The following KMT2C variants were observed in gnomAD, a reference collection of about 807,000 sequenced individuals.
The protein encoded by KMT2C is histone-lysine N-methyltransferase 2C.
KMT2C carries 88 observed loss-of-function variants against 507.9 expected under a neutral mutation model. That is an observed-to-expected ratio of 0.17 (90% confidence interval 0.15 to 0.21). KMT2C has a LOEUF of 0.21. KMT2C is among the 10% of genes least tolerant of loss of function. KMT2C has a pLI of 1.00. For synonymous variants in KMT2C, 2,049 were observed against 2,080.8 expected, an observed-to-expected ratio of 0.98 and a Z score of 0.42; for missense variants, 4,954 against 5,957.8, an observed-to-expected ratio of 0.83 and a Z score of 5.55.
intron 9 of KMT2C, 144 bp from the exon 10 acceptor site, chr7:152,252,859 CT>C (rs66963045): frequency 0.097 from 46,048 of 475,532 alleles, 486 homozygotes; most frequent in South Asian, 0.17. Flanking sequence ...AGGGTACATG[CT>C]TTTTTTTTTT....
At chr7:152,309,507 C>CTTTTTTTTTT (rs60166582) in intron 6 of KMT2C, among the ~76,000 whole-genome samples, 3 of 87,970 alleles carry the variant, frequency 3.4e-5, no homozygotes, top group Non-Finnish European at 6.4e-5. Flanking sequence ...CATAAAATAA[C>CTTTTTTTTTT]TTTTTTTTTT....
Position 152,145,243 on chromosome 7 carries a change from GGATTTCGGCCGTA to G in KMT2C, c.14071_14083del (p.Tyr4691LeufsTer21). 6.2e-7 allele frequency: 1 copy of G among 1,614,112 alleles called. No homozygotes were observed. The highest frequency in any genetic ancestry group is 8.5e-7 in the Non-Finnish European group (1 of 1,180,006). On this transcript the variant is annotated frameshift_variant, in exon 54 of 59. Coordinates refer to ENST00000262189, the MANE Select transcript of KMT2C (RefSeq NM_170606.3). LOFTEE classifies it high-confidence loss of function. Reference sequence around the variant, plus strand: ...AACGGCAAGAGGAAGTTCCATGAGAGGATTTCGGCCGTATCGGAAGGTATAATTTTCACATGCC... The same window carrying G: ...AACGGCAAGAGGAAGTTCCATGAGAGTCGGAAGGTATAATTTTCACATGCC...
At chr7:152,227,634 G>A (rs1206909453) in intron 18 of KMT2C, among the ~76,000 whole-genome samples, 4 of 152,190 alleles carry the variant, frequency 2.6e-5, no homozygotes, top group Non-Finnish European at 4.4e-5. Flanking sequence ...CAATGGCCTC[G>A]CTGAGGTTAG....
At chr7:152,326,027 T>G (rs1394440724) in intron 3 of KMT2C, among the ~76,000 whole-genome samples, 1 of 152,260 alleles carries the variant, frequency 6.6e-6, no homozygotes, top group East Asian at 1.9e-4. Context: ...ATATTAATCA[T>G]GTATCTGTAT....
At chr7:152,142,926 G>A (rs1050228732) in intron 55 of KMT2C, among the ~76,000 whole-genome samples, 6 of 152,254 alleles carry the variant, frequency 3.9e-5, no homozygotes, top group East Asian at 3.9e-4. Context: ...GATCATCCAC[G>A]GGATCCCCAG....
At position 152,144,616 on chromosome 7, in the gene KMT2C, C is replaced by T; in HGVS notation, c.14343+97G>A. ...TGAAAACACGTTTCTGTCCCTGCAGCTATGTGAAATCATTTTCACATACTG... is the reference window on the plus strand; with the variant it reads ...TGAAAACACGTTTCTGTCCCTGCAGTTATGTGAAATCATTTTCACATACTG... On this transcript the variant is annotated intron_variant, in intron 55 of 58. Coordinates refer to ENST00000262189, the MANE Select transcript of KMT2C (RefSeq NM_170606.3). The surrounding 1 kb of genome is among the most constrained non-coding windows in gnomAD (Gnocchi z 4.4). 8.5e-7 allele frequency: 1 copy of T among 1,177,708 alleles called. No individual in the cohort carries two copies. Among genetic ancestry groups the T allele is most frequent in the Middle Eastern group, 2.0e-4 (1 of 5,008 alleles). 73.0% of individuals were successfully genotyped at this position (1,177,708 alleles called of 1,614,324 possible). A position where few individuals can be genotyped will look rare whatever the true frequency, so the allele number is the denominator to read the frequency against.
chr7:152,257,284 T>C (rs180863448), intron 9 of KMT2C, among the ~76,000 whole-genome samples: 1 of 152,242 alleles, frequency 6.6e-6, no homozygotes, highest in Non-Finnish European at 1.5e-5. Context: ...ACATGCTACC[T>C]TCACTGAAAA....
intron 1 of KMT2C, among the ~76,000 whole-genome samples, chr7:152,400,633 G>A (rs947685465): frequency 6.6e-6 from 1 of 152,168 alleles, no homozygotes; most frequent in African/African-American, 2.4e-5. Flanking sequence ...AATAATACCA[G>A]TCAACTGTAA....
intron 3 of KMT2C, among the ~76,000 whole-genome samples, chr7:152,329,057 TGA>T (rs2096856382): frequency 6.6e-6 from 1 of 151,990 alleles, no homozygotes; most frequent in South Asian, 2.1e-4. Flanking sequence ...AATGAACACG[TGA>T]GACTCTTAAG....
intron 54 of KMT2C, 106 bp downstream of exon 54, chr7:152,145,047 C>G: frequency 1.4e-6 from 2 of 1,447,816 alleles, no homozygotes; most frequent in Non-Finnish European, 1.9e-6. Flanking sequence ...TGGGCACATA[C>G]ACAGCCAGAC....
chr7:152,385,568 C>T (rs2097417910), intron 1 of KMT2C, among the ~76,000 whole-genome samples: 1 of 102,904 alleles, frequency 9.7e-6, no homozygotes, highest in African/African-American at 7.1e-5. Flanking sequence ...GCCGAGATCC[C>T]GCCACTGCAC....
intron 23 of KMT2C, among the ~76,000 whole-genome samples, chr7:152,211,473 C>T (rs953704094): frequency 1.3e-5 from 2 of 152,100 alleles, no homozygotes; most frequent in Non-Finnish European, 2.9e-5. Context: ...AAGAGGAAAT[C>T]CCCAAGTTAA....
intron 2 of KMT2C, among the ~76,000 whole-genome samples, chr7:152,337,097 C>A (rs1050166447): frequency 6.6e-6 from 1 of 152,084 alleles, no homozygotes; most frequent in Non-Finnish European, 1.5e-5. Flanking sequence ...CCAGCCTGGG[C>A]AACATGGCAA....
chr7:152,280,999 C>A (rs1361265087), intron 6 of KMT2C, among the ~76,000 whole-genome samples: 3 of 152,132 alleles, frequency 2.0e-5, no homozygotes, highest in Non-Finnish European at 4.4e-5. Flanking sequence ...TCTGAGTCCA[C>A]AAAAGTGCCC....
intron 2 of KMT2C, among the ~76,000 whole-genome samples, chr7:152,340,603 A>T (rs566946300): frequency 3.3e-5 from 5 of 152,308 alleles, no homozygotes; most frequent in Middle Eastern, 3.4e-3. Flanking sequence ...ATTGACACTG[A>T]TTAATAATAT....
chr7:152,409,442 G>C (rs2097657897), intron 1 of KMT2C, among the ~76,000 whole-genome samples: 2 of 152,054 alleles, frequency 1.3e-5, no homozygotes, highest in African/African-American at 2.4e-5. Flanking sequence ...AGTGGGCCAG[G>C]TGCAGTGGCT....
intron 1 of KMT2C, among the ~76,000 whole-genome samples, chr7:152,361,055 A>G (rs1026742466): frequency 3.9e-5 from 6 of 152,206 alleles, no homozygotes; most frequent in Non-Finnish European, 7.3e-5. Context: ...GGATGATTCA[A>G]CATTAGAAAT....
Position 152,176,744 on chromosome 7 carries a change from T to C in KMT2C, c.8709A>G (p.Gln2903=), listed in dbSNP as rs2093228226. Residue 2903 remains glutamine, a synonymous_variant, in exon 38 of 59, where the codon CAA becomes CAG. Coordinates refer to ENST00000262189, the MANE Select transcript of KMT2C (RefSeq NM_170606.3). Reference sequence around the variant, plus strand: ...TTATGCCACAAGAGTTTATTACATCTTGAGCAGGTAGTTGAGTGGATGCCT... The same window carrying C: ...TTATGCCACAAGAGTTTATTACATCCTGAGCAGGTAGTTGAGTGGATGCCT... ...VIQASTQLPA[Q]DVINSCGITG... 4.3e-6 allele frequency: 7 copies of C among 1,614,156 alleles called. No homozygotes were observed. Among genetic ancestry groups the C allele is most frequent in the Non-Finnish European group, 5.1e-6 (6 of 1,180,030 alleles).
chr7:152,223,965 C>A (rs1162884312), intron 20 of KMT2C, 50 bp downstream of exon 20: 3 of 1,197,388 alleles, frequency 2.5e-6, no homozygotes, highest in African/African-American at 1.6e-5. Flanking sequence ...TTTTTTTTTG[C>A]TACATTTCAA....
Sources: gnomAD v4.1 joint callset for allele counts (sites outside exome capture counted in the v4.1 genomes callset) on GRCh38, gnomAD v4.1.1 for gene constraint, Gnocchi (gnomAD v3.1) non-coding constraint, MANE v1.5 for transcripts, NCBI Gene and HGNC (gene_info 2026-07-23, HGNC 2026-07-21) for gene names.